Variants in PCDHA6 observed in about 807,000 individuals in gnomAD.
The protein encoded by PCDHA6 is protocadherin alpha 6.
Under a neutral mutation model 60.3 loss-of-function variants are expected in PCDHA6, and 55 were observed. That is an observed-to-expected ratio of 0.91 (90% CI 0.73 to 1.14). The LOEUF (loss-of-function observed/expected upper bound fraction) is 1.14, where lower values mean the gene tolerates loss of function less well. PCDHA6 is among the 50% of genes most tolerant of loss of function. The pLI, the probability that PCDHA6 is intolerant of heterozygous loss-of-function variation, is 0.00. For missense variants in PCDHA6, 1,327 were observed against 1,256.5 expected, an observed-to-expected ratio of 1.06 and a Z score of -0.85; for synonymous variants, 652 against 557.9, an observed-to-expected ratio of 1.17 and a Z score of -2.38.
intron 1 of PCDHA6, among the ~76,000 whole-genome samples, chr5:140,958,822 A>G (rs1554223658): frequency 6.6e-6 from 1 of 152,146 alleles, no homozygotes; most frequent in Non-Finnish European, 1.5e-5. Context: ...TTTAATTTTT[A>G]TATCTTAAAG....
At chr5:140,834,576 C>T in intron 1 of PCDHA6, 2 of 1,614,098 alleles carry the variant, frequency 1.2e-6, no homozygotes, top group Non-Finnish European at 8.5e-7. Context: ...GCGCCTGTTC[C>T]GGGCGGTGTG....
intron 1 of PCDHA6, among the ~76,000 whole-genome samples, chr5:140,949,542 T>G (rs1418281515): frequency 6.6e-6 from 1 of 151,916 alleles, no homozygotes; most frequent in East Asian, 1.9e-4. Context: ...AATATCGATT[T>G]GTTGCTGGTC....
At chr5:140,994,561 C>T (rs967006511) in intron 3 of PCDHA6, among the ~76,000 whole-genome samples, 2 of 151,800 alleles carry the variant, frequency 1.3e-5, no homozygotes, top group East Asian at 1.9e-4. Context: ...AAAAATTAGC[C>T]GGGTGTGGTG....
intron 1 of PCDHA6, among the ~76,000 whole-genome samples, chr5:140,932,642 T>G (rs2088501803): frequency 6.6e-6 from 1 of 151,860 alleles, no homozygotes. Context: ...AACTTTAGAA[T>G]GATGAAACTA....
At chr5:140,849,283 A>G (rs1554142852) in intron 1 of PCDHA6, 1 of 1,191,538 alleles carries the variant, frequency 8.4e-7, no homozygotes, top group Admixed American at 2.6e-5. Context: ...CTGGTGATTC[A>G]CCCCAATGCC....
chr5:140,877,262 T>C (rs1554169532), intron 1 of PCDHA6: 2 of 1,613,670 alleles, frequency 1.2e-6, no homozygotes, highest in South Asian at 2.2e-5. Flanking sequence ...GTGCGCGCGG[T>C]GGACGCTGAC....
At chr5:140,877,627 A>C (rs782765998) in intron 1 of PCDHA6, 1 of 1,613,614 alleles carries the variant, frequency 6.2e-7, no homozygotes, top group East Asian at 2.2e-5. Context: ...GCTGCTGTAC[A>C]CTGCGCTGCG....
chr5:140,995,901 A>C (rs2097702550), intron 3 of PCDHA6, among the ~76,000 whole-genome samples: 3 of 152,212 alleles, frequency 2.0e-5, no homozygotes, highest in Non-Finnish European at 1.5e-5. Flanking sequence ...CAATGTATAA[A>C]AGAGGAGAGA....
rs371795952 is a variant in PCDHA6 at position 140,857,797 on chromosome 5, G to T, written c.2394+27312G>T. ...CAGTCAGTGAGCTGGTGCTGCGGTC[G>T]GTGGTTGCGGGTCACGTGGTGGCTA... On this transcript the variant is annotated intron_variant, in intron 1 of 3. Transcript: ENST00000529310. 12 of 1,597,706 alleles carry T rather than the reference G, an allele frequency of 7.5e-6. 1 individual carries two copies. In the East Asian group the frequency reaches 1.6e-4, roughly 21 times the overall value.
intron 1 of PCDHA6, among the ~76,000 whole-genome samples, chr5:140,950,301 T>G (rs1467140584): frequency 6.6e-6 from 1 of 152,076 alleles, no homozygotes; most frequent in Non-Finnish European, 1.5e-5. Context: ...AAACTTTACT[T>G]AGCAGTTTTT....
In PCDHA6 at chr5:140,926,298, C is replaced by G. The variant is rs1337047837; in HGVS notation, c.2395-52651C>G. 3.3e-5 allele frequency: 5 copies of G among 152,328 alleles called. No homozygotes were observed. In the East Asian group the frequency reaches 5.8e-4, roughly 18 times the overall value. The allele number at this position is 152,328 out of a possible 1,614,324, so 9.4% of individuals were successfully genotyped here. Reference sequence around the variant, plus strand: ...TCGGCAGCTCCACGCTGAGTCCCGCCCTCTCCGCCGGAGAGGTGCGCCGGG... The same window carrying G: ...TCGGCAGCTCCACGCTGAGTCCCGCGCTCTCCGCCGGAGAGGTGCGCCGGG... On this transcript the variant is annotated intron_variant, in intron 1 of 3. Coordinates refer to ENST00000529310, the MANE Select transcript of PCDHA6 (RefSeq NM_018909.4).
chr5:140,956,562 T>C (rs1395246956), intron 1 of PCDHA6, among the ~76,000 whole-genome samples: 1 of 152,212 alleles, frequency 6.6e-6, no homozygotes, highest in Non-Finnish European at 1.5e-5. Flanking sequence ...CAGTATCTTA[T>C]TGAGGATTTT....
intron 1 of PCDHA6, among the ~76,000 whole-genome samples, chr5:140,879,490 C>T (rs2058010245): frequency 2.0e-5 from 3 of 152,090 alleles, no homozygotes; most frequent in Admixed American, 2.0e-4. Flanking sequence ...AAATATGGGT[C>T]TGGATCTCAG....
At chr5:140,903,982 T>G (rs782635653) in intron 1 of PCDHA6, among the ~76,000 whole-genome samples, 5 of 152,232 alleles carry the variant, frequency 3.3e-5, no homozygotes, top group African/African-American at 4.8e-5. Flanking sequence ...CTATTCACAA[T>G]GTAACAGCTA....
intron 1 of PCDHA6, among the ~76,000 whole-genome samples, chr5:140,897,816 G>C (rs1305259522): frequency 1.1e-4 from 16 of 152,078 alleles, no homozygotes; most frequent in Non-Finnish European, 1.9e-4. Flanking sequence ...CAGTGTAAAA[G>C]TGTTCCTATT....
chr5:140,942,796 G>C (rs2093370095), intron 1 of PCDHA6, among the ~76,000 whole-genome samples: 1 of 152,002 alleles, frequency 6.6e-6, no homozygotes, highest in Non-Finnish European at 1.5e-5. Flanking sequence ...ACAAAGGCAT[G>C]TTTTCCACAA....
intron 1 of PCDHA6, chr5:140,857,302 G>T: frequency 6.3e-7 from 1 of 1,598,652 alleles, no homozygotes; most frequent in Non-Finnish European, 8.6e-7. Flanking sequence ...AGAGGGTGTC[G>T]GCCTATGAGC....
chr5:140,834,278 A>G (rs1772879632), intron 1 of PCDHA6: 2 of 1,087,966 alleles, frequency 1.8e-6, no homozygotes, highest in Admixed American at 2.3e-5. Flanking sequence ...CACTCTTTGG[A>G]TGCACAACAA....
At chr5:140,839,581 G>GTAA (rs1206355864) in intron 1 of PCDHA6, among the ~76,000 whole-genome samples, 1 of 151,754 alleles carries the variant, frequency 6.6e-6, no homozygotes, top group Non-Finnish European at 1.5e-5. Flanking sequence ...GTAGAGATGG[G>GTAA]GTCTTACCAT....
Sources: gnomAD v4.1 joint callset for allele counts (sites outside exome capture counted in the v4.1 genomes callset) on GRCh38, gnomAD v4.1.1 for gene constraint, MANE v1.5 for transcripts, NCBI Gene and HGNC (gene_info 2026-07-23, HGNC 2026-07-21) for gene names.